METTL27: variants seen among roughly 807,000 people sequenced by gnomAD.
METTL27 encodes methyltransferase like 27.
Under a neutral mutation model 24.5 loss-of-function variants are expected in METTL27, and 29 were observed. That is an observed-to-expected ratio of 1.18 (90% CI 0.88 to 1.61). The LOEUF is 1.61. METTL27 is among the 40% of genes most tolerant of loss of function. METTL27 has a pLI of 0.00. For missense variants in METTL27, 341 were observed against 324.3 expected (o/e 1.05, Z -0.40); for synonymous variants, 138 against 146.8 (o/e 0.94, Z 0.43).
At chr7:73,841,376 C>T (rs1048550589) in intron 2 of METTL27, among the ~76,000 whole-genome samples, 178 bp from the exon 3 acceptor site, 7 of 152,018 alleles carry the variant, frequency 4.6e-5, no homozygotes, top group Non-Finnish European at 1.5e-5. Flanking sequence ...AGGGCCAGGA[C>T]TGGAGAGTTA....
Position 73,834,718 on chromosome 7 carries a change from C to T in METTL27, c.*25G>A. ...AGCTAAGGCCACATGGAGTCAGGGGCCAGCTGGGGGCTGGGGGCTGGATCT... is the reference window on the plus strand; with the variant it reads ...AGCTAAGGCCACATGGAGTCAGGGGTCAGCTGGGGGCTGGGGGCTGGATCT... On this transcript the variant is annotated 3_prime_UTR_variant, in exon 6 of 6. Transcript: ENST00000297873. 1 of 1,601,446 alleles carries T rather than the reference C, an allele frequency of 6.2e-7. No homozygotes were observed. The highest frequency in any genetic ancestry group is 2.3e-5 in the East Asian group (1 of 44,354).
intron 3 of METTL27, 83 bp downstream of exon 3, chr7:73,840,987 G>C (rs1265832308): frequency 2.2e-6 from 3 of 1,390,136 alleles, no homozygotes; most frequent in Non-Finnish European, 2.8e-6. Flanking sequence ...GAGGTGTGGG[G>C]CAGGGTTCTG....
chr7:73,837,993 G>A (rs1188052204), intron 5 of METTL27, among the ~76,000 whole-genome samples: 1 of 151,616 alleles, frequency 6.6e-6, no homozygotes, highest in Non-Finnish European at 1.5e-5. Context: ...GGGACCACAG[G>A]TGCTCACCAC....
chr7:73,838,433 C>G (rs1356107949), intron 5 of METTL27, among the ~76,000 whole-genome samples: 3 of 152,176 alleles, frequency 2.0e-5, no homozygotes, highest in Non-Finnish European at 4.4e-5. Flanking sequence ...CAGGTCCAGG[C>G]ACCTATAGTG....
rs577731625 is a variant in METTL27, at chr7:73,842,084, C to T, written c.57G>A (p.Ala19=). The change falls in exon 2 of 6, where the codon GCG becomes GCA. Residue 19 remains alanine, a synonymous_variant. Coordinates refer to ENST00000297873, the MANE Select transcript of METTL27 (RefSeq NM_152559.3). ...LPEVRARVRA[A]HGIPDLAQKL... is the part of the protein sequence containing the mutation. ...TTTGGGCCAGGTCGGGGATGCCATG[C>T]GCGGCCCTGACCCGCGCCCGCACCT... The T allele has an allele frequency of 1.4e-5, 23 of 1,613,796 alleles. 1 individual carries two copies. Among genetic ancestry groups the T allele is most frequent in the Non-Finnish European group, 1.9e-5 (22 of 1,179,970 alleles).
In METTL27 at chr7:73,840,139, G is replaced by GT. The variant is rs782395440; in HGVS notation, c.389-20_389-19insA. On this transcript the variant is annotated intron_variant, in intron 4 of 5. Transcript: ENST00000297873. ...AAGGTCCCTGTGTGTGTGTGGGGGG[G>GT]GGTGGGGACATGGTGTGATGCTTGG... is the stretch of plus-strand genomic sequence containing the variant. 9.0e-6 allele frequency: 13 copies of GT among 1,451,648 alleles called. No homozygotes were observed. Among genetic ancestry groups the GT allele is most frequent in the South Asian group, 2.4e-5 (2 of 81,820 alleles). The allele number at this position is 1,451,648 out of a possible 1,614,324, so 89.9% of individuals were successfully genotyped here. A position where few individuals can be genotyped will look rare whatever the true frequency, so the allele number is the denominator to read the frequency against.
intron 5 of METTL27, among the ~76,000 whole-genome samples, chr7:73,837,334 T>A (rs1554635511): frequency 7.2e-6 from 1 of 138,322 alleles, no homozygotes; most frequent in Non-Finnish European, 1.6e-5. Context: ...AAATAAAAAG[T>A]CAATCAATTA....
chr7:73,836,547 T>TC (rs1788205865), intron 5 of METTL27, among the ~76,000 whole-genome samples: 3 of 8,064 alleles, frequency 3.7e-4, no homozygotes, highest in African/African-American at 2.0e-3. Context: ...GTCAGCCCCC[T>TC]GCCCGGCCAG....
At chr7:73,838,775 C>T (rs1377760534) in intron 5 of METTL27, among the ~76,000 whole-genome samples, 1 of 152,182 alleles carries the variant, frequency 6.6e-6, no homozygotes, top group African/African-American at 2.4e-5. Context: ...TCAGGGCTCC[C>T]CAGATGCCTG....
chr7:73,841,875 T>G, intron 2 of METTL27, 143 bp downstream of exon 2: 1 of 1,380,490 alleles, frequency 7.2e-7, no homozygotes, highest in Non-Finnish European at 9.8e-7. Context: ...TGGGGCGGGT[T>G]CTGGAAGGGG....
In METTL27 at chr7:73,841,177, G is replaced by C; in HGVS notation, c.145C>G (p.Arg49Gly). ...YDQDVATLLY[R>G]APRLAVDCLT... ...CAGTCCACTGCGAGGCGGGGCGCAC[G>C]GTACAGCAGGGTGGCCACATCCTGG... Residue 49 changes from arginine (R) to glycine (G), a missense_variant, in exon 3 of 6, where the codon CGT (arginine) becomes GGT (glycine). Arg to Gly is a moderately radical substitution (Grantham distance 125, BLOSUM62 -2). Coordinates refer to ENST00000297873, the MANE Select transcript of METTL27 (RefSeq NM_152559.3). 6.4e-7 allele frequency: 1 copy of C among 1,551,050 alleles called. No homozygotes were observed. The highest frequency in any genetic ancestry group is 1.2e-5 in the South Asian group (1 of 80,558).
At chr7:73,838,395 A>G (rs1360778971) in intron 5 of METTL27, among the ~76,000 whole-genome samples, 4 of 152,186 alleles carry the variant, frequency 2.6e-5, no homozygotes, top group Admixed American at 6.5e-5. Flanking sequence ...GCCCTACAGT[A>G]AGTGCCGGCT....
chr7:73,836,389 G>A (rs1223276990), intron 5 of METTL27, among the ~76,000 whole-genome samples: 74 of 91,400 alleles, frequency 8.1e-4, no homozygotes, highest in South Asian at 1.2e-3. Context: ...CAGCCGCCCA[G>A]TCCGGGAGGG....
chr7:73,834,862 C>A lies in METTL27; in HGVS notation c.619G>T (p.Ala207Ser), dbSNP rs370149363. ...CAGCTCGGAGGTAGCCAGCTCCCAG[C>A]GGTCCACAGGCGGTCCACAGGCCAG... is the stretch of plus-strand genomic sequence containing the variant. ...VAWPVDRLWT[A>S]GSWLPPSWRW... is the part of the protein sequence containing the mutation. The change falls in exon 6 of 6, where the codon GCT becomes TCT. Residue 207 changes from alanine to serine, a missense_variant. Physicochemically the swap from Ala to Ser is moderately conservative, Grantham distance 99 (BLOSUM62 1). Transcript: ENST00000297873. 5.0e-6 allele frequency: 8 copies of A among 1,611,534 alleles called. No homozygotes were observed. Among genetic ancestry groups the A allele is most frequent in the South Asian group, 1.1e-5 (1 of 90,868 alleles).
Position 73,834,994 on chromosome 7 carries a change from C to T in METTL27, c.487G>A (p.Val163Met). Reference sequence around the variant, plus strand: ...GAGTTGGTCCTGGTGGTCAGACACACCAGCCCACCTGGGGGAGAGGGGTAG... The same window carrying T: ...GAGTTGGTCCTGGTGGTCAGACACATCAGCCCACCTGGGGGAGAGGGGTAG... Reference protein sequence around the residue: ...ELHVTKPGGLVCLTTRTNSSN... With the variant: ...ELHVTKPGGLMCLTTRTNSSN... The change falls in exon 6 of 6, where the codon GTG becomes ATG. Residue 163 changes from valine (V) to methionine (M), a missense_variant. Transcript: ENST00000297873. The T allele has an allele frequency of 6.2e-7, 1 of 1,611,220 alleles. No individual in the cohort carries two copies. Among genetic ancestry groups the T allele is most frequent in the East Asian group, 2.2e-5 (1 of 44,822 alleles).
intron 2 of METTL27, among the ~76,000 whole-genome samples, chr7:73,841,449 T>A (rs1281909189): frequency 1.3e-5 from 2 of 150,052 alleles, no homozygotes; most frequent in Non-Finnish European, 3.0e-5. Flanking sequence ...GCCAAGCGGC[T>A]CTCTCTGCTG....
Position 73,840,401 on chromosome 7 carries a change from GGAGA to G in METTL27, c.388+9_388+12del, listed in dbSNP as rs1554636120. On this transcript the variant is annotated intron_variant, in intron 4 of 5. Coordinates refer to ENST00000297873, the MANE Select transcript of METTL27 (RefSeq NM_152559.3). ...GGGTGGGCCTCGGGGTGTGGAGGTG[GGAGA>G]GAAAGTACCTTCCGGGCTGGGCAGA... 1.3e-6 allele frequency: 2 copies of G among 1,563,760 alleles called. No individual in the cohort carries two copies. The highest frequency in any genetic ancestry group is 2.3e-5 in the South Asian group (2 of 85,406).
intron 5 of METTL27, among the ~76,000 whole-genome samples, chr7:73,837,377 TAAATA>T (rs1321606001): frequency 1.5e-5 from 2 of 132,020 alleles, no homozygotes; most frequent in African/African-American, 3.0e-5. Context: ...AATAAATAAA[TAAATA>T]AAAGATTGGG....
intron 5 of METTL27, among the ~76,000 whole-genome samples, chr7:73,835,826 G>A (rs1385878543): frequency 1.8e-5 from 2 of 113,996 alleles, no homozygotes; most frequent in Non-Finnish European, 4.1e-5. Context: ...CTGCCCGGCC[G>A]CCCATTGTCT....
Sources: allele counts gnomAD v4.1 joint callset (sites outside exome capture counted in the v4.1 genomes callset), GRCh38; gene constraint gnomAD v4.1.1; transcripts MANE v1.5; gene names NCBI Gene and HGNC (gene_info 2026-07-23, HGNC 2026-07-21).